The following SEZ6L variants were observed in gnomAD, a reference collection of about 807,000 sequenced individuals.
SEZ6L encodes the protein seizure 6-like protein.
SEZ6L carries 37 observed loss-of-function variants against 106.2 expected under a neutral mutation model. The ratio of observed to expected loss-of-function variants is 0.35; its 90% confidence interval spans 0.27 to 0.46. The LOEUF is 0.46. Among genes scored for constraint, SEZ6L ranks in the 20% least tolerant of loss-of-function variants. The pLI, the probability that SEZ6L is intolerant of heterozygous loss-of-function variation, is 1.00. For missense variants in SEZ6L, 1,172 were observed against 1,332.8 expected, an observed-to-expected ratio of 0.88 and a Z score of 1.88; for synonymous variants, 541 against 570.4, an observed-to-expected ratio of 0.95 and a Z score of 0.73.
intron 1 of SEZ6L, among the ~76,000 whole-genome samples, chr22:26,205,068 A>G (rs1282374404): frequency 2.0e-5 from 3 of 152,196 alleles, no homozygotes; most frequent in Admixed American, 6.5e-5. Context: ...CCCATTCATT[A>G]TTCCTTTCCA....
chr22:26,178,176 G>A (rs940814391), intron 1 of SEZ6L, among the ~76,000 whole-genome samples: 1 of 152,154 alleles, frequency 6.6e-6, no homozygotes, highest in African/African-American at 2.4e-5. Flanking sequence ...CATGAAAGAG[G>A]CTTTGGTAGA....
intron 1 of SEZ6L, among the ~76,000 whole-genome samples, chr22:26,186,582 T>C (rs1201848726): frequency 6.6e-6 from 1 of 152,126 alleles, no homozygotes; most frequent in African/African-American, 2.4e-5. Flanking sequence ...GGATTCTTGC[T>C]GAAGGCACAC....
chr22:26,319,674 C>T (rs1185510222), intron 9 of SEZ6L, among the ~76,000 whole-genome samples: 1 of 152,216 alleles, frequency 6.6e-6, no homozygotes, highest in Non-Finnish European at 1.5e-5. Context: ...CTTGCCACCA[C>T]CTAACACACT....
At chr22:26,266,170 C>T (rs547001114) in intron 1 of SEZ6L, among the ~76,000 whole-genome samples, 2 of 152,130 alleles carry the variant, frequency 1.3e-5, no homozygotes, top group African/African-American at 4.8e-5. Context: ...GTGCTGCACT[C>T]GATTGCTGAG....
chr22:26,366,227 G>A (rs1259855064), intron 13 of SEZ6L, among the ~76,000 whole-genome samples: 1 of 152,076 alleles, frequency 6.6e-6, no homozygotes, highest in Non-Finnish European at 1.5e-5. Flanking sequence ...CCAGCTACTC[G>A]GGAGGCTGAG....
chr22:26,179,301 G>A (rs1049348184), intron 1 of SEZ6L, among the ~76,000 whole-genome samples: 2 of 152,146 alleles, frequency 1.3e-5, no homozygotes, highest in East Asian at 1.9e-4. Flanking sequence ...GAGATGGGGG[G>A]ATCCACTGCA....
chr22:26,336,071 T>C (rs1045342122), intron 9 of SEZ6L, among the ~76,000 whole-genome samples: 1 of 152,154 alleles, frequency 6.6e-6, no homozygotes, highest in Non-Finnish European at 1.5e-5. Flanking sequence ...GCTGCATCGA[T>C]GTTAGTAGAT....
chr22:26,260,586 T>TTA lies in SEZ6L; in HGVS notation c.95-31807_95-31806dup, dbSNP rs752353554. On this transcript the variant is annotated intron_variant, in intron 1 of 16. Transcript: ENST00000248933. ...TTACATATAGGCATAGATATAGACA[T>TTA]TATATATATATATACATATCACAAT... 3.3e-3 allele frequency among the ~76,000 whole-genome samples: 494 copies of TTA among 151,434 alleles called. 1 individual carries two copies. The highest frequency in any genetic ancestry group is 8.4e-3 in the African/African-American group (348 of 41,384).
chr22:26,185,907 G>T (rs1206690726), intron 1 of SEZ6L, among the ~76,000 whole-genome samples: 1 of 152,076 alleles, frequency 6.6e-6, no homozygotes, highest in African/African-American at 2.4e-5. Flanking sequence ...TACGAATAGG[G>T]GTGGGAATCT....
chr22:26,193,924 C>T (rs1176210338), intron 1 of SEZ6L, among the ~76,000 whole-genome samples: 1 of 152,140 alleles, frequency 6.6e-6, no homozygotes, highest in African/African-American at 2.4e-5. Flanking sequence ...CTGCAAGAGA[C>T]TTAGAGGCTG....
Position 26,292,853 on chromosome 22 carries a change from A to C in SEZ6L, c.542A>C (p.Glu181Ala). 1 of 1,614,188 alleles carries C rather than the reference A, an allele frequency of 6.2e-7. No individual in the cohort carries two copies. The highest frequency in any genetic ancestry group is 8.5e-7 in the Non-Finnish European group (1 of 1,180,014). Reference sequence around the variant, plus strand: ...ATCGTGGCCTCCGAGGAGGCATCAGAAGTGCCCCTTTGGCTGGACCGAAAG... The same window carrying C: ...ATCGTGGCCTCCGAGGAGGCATCAGCAGTGCCCCTTTGGCTGGACCGAAAG... ...DPIVASEEAS[E>A]VPLWLDRKES... The change falls in exon 2 of 17, where the codon GAA becomes GCA. Residue 181 changes from glutamate (E) to alanine (A), a missense_variant. By Grantham distance (107) the Glu-to-Ala change is moderately radical. Coordinates refer to ENST00000248933, the MANE Select transcript of SEZ6L (RefSeq NM_021115.5).
chr22:26,296,857 T>C, intron 3 of SEZ6L, 31 bp from the exon 4 acceptor site: 1 of 1,519,498 alleles, frequency 6.6e-7, no homozygotes, highest in African/African-American at 1.4e-5. Context: ...CAACTCAGAG[T>C]TCCTCTCTGT....
chr22:26,239,768 CTT>C (rs58120299), intron 1 of SEZ6L, among the ~76,000 whole-genome samples: 2,183 of 152,202 alleles, frequency 0.014, 60 homozygotes, highest in African/African-American at 0.05. Flanking sequence ...AAAACATTCT[CTT>C]TTCACTTTCC....
In SEZ6L at chr22:26,382,507, G is replaced by A. The variant is rs1344804213; in HGVS notation, c.*2212G>A. 1 of 152,470 alleles carries A rather than the reference G, an allele frequency of 6.6e-6. No individual in the cohort carries two copies. The highest frequency in any genetic ancestry group is 1.9e-4 in the East Asian group (1 of 5,194). The allele number at this position is 152,470 out of a possible 1,614,324, so 9.4% of individuals were successfully genotyped here. On this transcript the variant is annotated 3_prime_UTR_variant, in exon 17 of 17. Coordinates refer to ENST00000248933, the MANE Select transcript of SEZ6L (RefSeq NM_021115.5). ...TATTGACTATTGGAAAGATAGAAAAGGCGTTGTGTTTTTTGTTTTTTTGTT... is the reference window on the plus strand; with the variant it reads ...TATTGACTATTGGAAAGATAGAAAAAGCGTTGTGTTTTTTGTTTTTTTGTT...
intron 9 of SEZ6L, among the ~76,000 whole-genome samples, chr22:26,333,578 C>A (rs2082554919): frequency 6.7e-6 from 1 of 150,308 alleles, no homozygotes; most frequent in African/African-American, 2.5e-5. Flanking sequence ...GAGCCCGAAA[C>A]CTGGCCCTAT....
rs183537323 is a variant in SEZ6L at position 26,328,474 on chromosome 22, A to G, written c.2016-11962A>G. ...GCTAGAATTTGAACCTGTTCTCTTA[A>G]TGCTGCCTCTTGTGCTGGAGGTGAA... On this transcript the variant is annotated intron_variant, in intron 9 of 16. Coordinates refer to ENST00000248933, the MANE Select transcript of SEZ6L (RefSeq NM_021115.5). Among the ~76,000 whole-genome samples the G allele has an allele frequency of 7.2e-5, 11 of 152,286 alleles. 1 individual carries two copies. The East Asian group carries it at 2.1e-3, about 29-fold the overall frequency.
intron 1 of SEZ6L, among the ~76,000 whole-genome samples, chr22:26,175,530 C>G (rs1290736220): frequency 6.6e-6 from 1 of 152,026 alleles, no homozygotes; most frequent in Non-Finnish European, 1.5e-5. Context: ...GGTAAGTGCA[C>G]CAAACTCCAA....
Position 26,369,994 on chromosome 22 carries a change from G to A in SEZ6L, c.2795-3457G>A, listed in dbSNP as rs980461870. 3.9e-5 allele frequency among the ~76,000 whole-genome samples: 6 copies of A among 152,332 alleles called. No individual in the cohort carries two copies. In the South Asian group the frequency reaches 1.2e-3, roughly 32 times the overall value. On this transcript the variant is annotated intron_variant, in intron 13 of 16. Transcript: ENST00000248933. ...GGAAGTTCCTGAGTAAAGATTGCCT[G>A]TAAACCCTCTAACTGTCACATGGAC...
intron 9 of SEZ6L, among the ~76,000 whole-genome samples, chr22:26,338,666 TCTC>T (rs1417891131): frequency 6.6e-6 from 1 of 151,748 alleles, no homozygotes; most frequent in Non-Finnish European, 1.5e-5. Flanking sequence ...TTCAAGCAAT[TCTC>T]CTGCCTCAGC....
Sources: gnomAD v4.1 joint callset for allele counts (sites outside exome capture counted in the v4.1 genomes callset) on GRCh38, gnomAD v4.1.1 for gene constraint, MANE v1.5 for transcripts, NCBI Gene and HGNC (gene_info 2026-07-23, HGNC 2026-07-21) for gene names.